Variants in NDST3 observed in about 807,000 individuals in gnomAD.
NDST3 encodes the protein N-deacetylase and N-sulfotransferase 3, also known as bifunctional heparan sulfate N-deacetylase/N-sulfotransferase 3.
In NDST3, 58 loss-of-function variants were observed where a neutral mutation model predicts 96.1. That is an observed-to-expected ratio of 0.60 (90% CI 0.49 to 0.75). The LOEUF (loss-of-function observed/expected upper bound fraction) is 0.75. NDST3 is among the 30% of genes least tolerant of loss of function. NDST3 has a pLI of 0.00. For synonymous variants in NDST3, 333 were observed against 359.7 expected (o/e 0.93, Z 0.84); for missense variants, 788 against 1,034.2 (o/e 0.76, Z 3.27).
At chr4:118,053,702 T>G (rs1012619512) in intron 1 of NDST3, 54 bp from the exon 2 acceptor site, 3 of 499,950 alleles carry the variant, frequency 6.0e-6, no homozygotes, top group African/African-American at 5.9e-5. Context: ...AGATAAAAAC[T>G]TGCTTATTTT....
At position 118,138,192 on chromosome 4, in the gene NDST3, C is replaced by G. The variant is rs370402735; in HGVS notation, c.1363C>G (p.Leu455Val). The change falls in exon 5 of 14, where the codon CTG becomes GTG. Residue 455 changes from leucine to valine, a missense_variant. Physicochemically the swap from Leu to Val is conservative, Grantham distance 32. This residue lies in a region of NDST3 where 490 missense variants were observed against 708.8 expected (regional missense o/e 0.69). Coordinates refer to ENST00000296499, the MANE Select transcript of NDST3 (RefSeq NM_004784.3). ...KITSTEEYPH[L>V]KPARYRRGFI... The stretch of plus-strand genomic sequence containing the variant: ...CACCAGCACTGAAGAATATCCACAT[C>G]TGAAGCCAGCTAGATACCGGAGGGG... 1.2e-6 allele frequency: 2 copies of G among 1,613,876 alleles called. No individual in the cohort carries two copies. Among genetic ancestry groups the G allele is most frequent in the African/African-American group, 2.7e-5 (2 of 74,888 alleles).
chr4:118,046,532 C>T (rs1724770819), intron 1 of NDST3, among the ~76,000 whole-genome samples: 1 of 152,202 alleles, frequency 6.6e-6, no homozygotes, highest in Non-Finnish European at 1.5e-5. Flanking sequence ...CAGGGCCACA[C>T]CCTAGCAGCC....
chr4:118,240,777 G>T lies in NDST3; in HGVS notation c.2289+83G>T, dbSNP rs151049374. Reference sequence around the variant, plus strand: ...CTTAAGGTTAAGAAAATTTTCAATTGTTAAACTATTACTAGTTTTTCCTCT... The same window carrying T: ...CTTAAGGTTAAGAAAATTTTCAATTTTTAAACTATTACTAGTTTTTCCTCT... On this transcript the variant is annotated intron_variant, in intron 11 of 13. Transcript: ENST00000296499. The T allele has an allele frequency of 6.9e-6, 9 of 1,310,136 alleles. No homozygotes were observed. The Admixed American group carries it at 1.8e-4, about 26-fold the overall frequency. 81.2% of individuals were successfully genotyped at this position (1,310,136 alleles called of 1,614,324 possible).
chr4:118,099,158 G>C (rs765764896), intron 2 of NDST3, among the ~76,000 whole-genome samples: 1 of 152,056 alleles, frequency 6.6e-6, no homozygotes, highest in African/African-American at 2.4e-5. Flanking sequence ...ATTTGGAAAG[G>C]TTCAGTAACT....
At chr4:118,051,128 C>G (rs547966701) in intron 1 of NDST3, among the ~76,000 whole-genome samples, 1 of 152,094 alleles carries the variant, frequency 6.6e-6, no homozygotes, top group African/African-American at 2.4e-5. Context: ...GTAAAGCACT[C>G]CCTATTCAGT....
chr4:118,212,844 A>G (rs1457442441), intron 6 of NDST3, among the ~76,000 whole-genome samples: 4 of 152,174 alleles, frequency 2.6e-5, no homozygotes, highest in Admixed American at 2.6e-4. Context: ...GAATTTCAAG[A>G]CAAGTCAAAA....
chr4:118,095,182 TG>T (rs1016501862), intron 2 of NDST3, among the ~76,000 whole-genome samples: 1 of 151,814 alleles, frequency 6.6e-6, no homozygotes, highest in African/African-American at 2.4e-5. Flanking sequence ...CATGAGTATT[TG>T]GGGAGAGCAT....
intron 4 of NDST3, among the ~76,000 whole-genome samples, chr4:118,132,274 C>A (rs1170837068): frequency 6.6e-6 from 1 of 152,144 alleles, no homozygotes; most frequent in Non-Finnish European, 1.5e-5. Context: ...GTACTAAAAC[C>A]ATACTATAAA....
In NDST3 at chr4:118,257,834, C is replaced by T. The variant is rs1295781989; in HGVS notation, c.*2122C>T. 6.6e-6 allele frequency: 1 copy of T among 152,142 alleles called. No individual in the cohort carries two copies. Among genetic ancestry groups the T allele is most frequent in the Non-Finnish European group, 1.5e-5 (1 of 68,014 alleles). 9.4% of individuals were successfully genotyped at this position (152,142 alleles called of 1,614,324 possible). On this transcript the variant is annotated 3_prime_UTR_variant, in exon 14 of 14. Transcript: ENST00000296499. ...GGAAACACAGTCTTCATGCTTACTG[C>T]TGTCTCTTTTATAGCAGCAGATGCC...
chr4:118,033,992 G>C (rs1310777711), upstream of NDST3: 1 of 152,226 alleles, frequency 6.6e-6, no homozygotes, highest in Non-Finnish European at 1.5e-5. Context: ...TCCAGAGGCG[G>C]CATCTCGACC....
intron 6 of NDST3, among the ~76,000 whole-genome samples, chr4:118,143,924 T>C (rs1209211903): frequency 6.6e-6 from 1 of 152,198 alleles, no homozygotes; most frequent in Non-Finnish European, 1.5e-5. Flanking sequence ...GATCCTCCTT[T>C]GCATTGCAAA....
chr4:118,211,125 G>A (rs1456326076), intron 6 of NDST3, among the ~76,000 whole-genome samples: 6 of 152,132 alleles, frequency 3.9e-5, no homozygotes, highest in Non-Finnish European at 5.9e-5. Flanking sequence ...GAGAGGAGCA[G>A]ATTTAATATT....
intron 6 of NDST3, among the ~76,000 whole-genome samples, chr4:118,214,433 G>A (rs1739058031): frequency 1.3e-5 from 2 of 152,118 alleles, no homozygotes; most frequent in African/African-American, 4.8e-5. Context: ...TAATTTTTAT[G>A]TTGATTACAT....
At chr4:118,116,190 A>G (rs1398868907) in intron 4 of NDST3, among the ~76,000 whole-genome samples, 1 of 152,200 alleles carries the variant, frequency 6.6e-6, no homozygotes, top group Non-Finnish European at 1.5e-5. Flanking sequence ...AGAAATCTAG[A>G]CTGTTGATAT....
intron 1 of NDST3, among the ~76,000 whole-genome samples, chr4:118,041,807 C>G (rs1724481749): frequency 6.6e-6 from 1 of 152,192 alleles, no homozygotes; most frequent in Non-Finnish European, 1.5e-5. Flanking sequence ...GTGTTTTCAT[C>G]TCATTTCTTT....
chr4:118,140,613 G>A (rs1402386273), intron 5 of NDST3, among the ~76,000 whole-genome samples: 1 of 152,178 alleles, frequency 6.6e-6, no homozygotes, highest in African/African-American at 2.4e-5. Flanking sequence ...AAGGAAAGAG[G>A]TTTAATGGAC....
At chr4:118,194,760 A>G (rs1342714359) in intron 6 of NDST3, 2 of 453,292 alleles carry the variant, frequency 4.4e-6, no homozygotes, top group Non-Finnish European at 8.0e-6. Flanking sequence ...ATCTCCACGC[A>G]GCGCACCCTT....
chr4:118,036,895 A>G (rs1032196924), intron 1 of NDST3, among the ~76,000 whole-genome samples: 5 of 152,258 alleles, frequency 3.3e-5, no homozygotes, highest in Admixed American at 6.5e-5. Context: ...CTGTTGCCAA[A>G]TAAGAGCTTA....
At chr4:118,148,764 C>T (rs1272587695) in intron 6 of NDST3, among the ~76,000 whole-genome samples, 1 of 152,082 alleles carries the variant, frequency 6.6e-6, no homozygotes, top group African/African-American at 2.4e-5. Flanking sequence ...ATACATTGAC[C>T]TAATGGGAAG....
Sources: gnomAD v4.1 joint callset for allele counts (sites outside exome capture counted in the v4.1 genomes callset) on GRCh38, gnomAD v4.1.1 for gene constraint, gnomAD v4.1.1 regional missense constraint, MANE v1.5 for transcripts, NCBI Gene and HGNC (gene_info 2026-07-23, HGNC 2026-07-21) for gene names.